Variants in EPHX1 observed in about 807,000 individuals in gnomAD.
EPHX1 encodes the protein epoxide hydrolase 1, also known as epoxide hydratase.
In EPHX1, 40 loss-of-function variants were observed where a neutral mutation model predicts 43.2. That is an observed-to-expected ratio of 0.93 (90% CI 0.72 to 1.21). The LOEUF (loss-of-function observed/expected upper bound fraction) is 1.21, where lower values mean the gene tolerates loss of function less well. Ranked by LOEUF, EPHX1 falls within the 50% of genes most tolerant of loss-of-function variation. The pLI, the probability that EPHX1 is intolerant of heterozygous loss-of-function variation, is 0.00. For synonymous variants in EPHX1, 221 were observed against 226.7 expected, an observed-to-expected ratio of 0.98 and a Z score of 0.22; for missense variants, 550 against 570.4, an observed-to-expected ratio of 0.96 and a Z score of 0.36.
Position 225,831,867 on chromosome 1 carries a change from A to G in EPHX1, c.272A>G (p.Lys91Arg). The G allele has an allele frequency of 6.2e-7, 1 of 1,614,194 alleles. No homozygotes were observed. Among genetic ancestry groups the G allele is most frequent in the Non-Finnish European group, 8.5e-7 (1 of 1,180,038 alleles). The change falls in exon 3 of 9, where the codon AAG (lysine) becomes AGG (arginine). Residue 91 changes from lysine to arginine, a missense_variant. Transcript: ENST00000272167. Reference protein sequence around the residue: ...FHYGFNSNYLKKVISYWRNEF... With the variant: ...FHYGFNSNYLRKVISYWRNEF... The stretch of plus-strand genomic sequence containing the variant: ...TATGGCTTCAACTCCAACTACCTGA[A>G]GAAAGTCATCTCCTACTGGCGGAAT...
At chr1:225,812,318 A>G (rs1666521454) in intron 1 of EPHX1, among the ~76,000 whole-genome samples, 1 of 152,228 alleles carries the variant, frequency 6.6e-6, no homozygotes. Context: ...ACCATCTGTG[A>G]CAAGCCACAT....
rs12403480 is a variant in EPHX1 at position 225,817,858 on chromosome 1, C to T, written c.-6+7689C>T. Among the ~76,000 whole-genome samples, 17,512 of 152,284 alleles carry T rather than the reference C, an allele frequency of 0.11. 1,240 individuals are homozygous for T. The highest frequency in any genetic ancestry group is 0.23 in the Middle Eastern group (68 of 294). On this transcript the variant is annotated intron_variant, in intron 1 of 8. Transcript: ENST00000272167. This position sits in a 1 kb window ranked among gnomAD's most constrained non-coding sequence, Gnocchi z 5.7. ...CACATGGCAAGTGCTGAGTCATGGC[C>T]GGCTAGCACTTTACTGCGATTTTAG... is the stretch of plus-strand genomic sequence containing the variant.
intron 3 of EPHX1, 55 bp downstream of exon 3, chr1:225,832,014 T>C: frequency 6.4e-7 from 1 of 1,564,888 alleles, no homozygotes. Flanking sequence ...AACAGCCTTC[T>C]TCCACAATGT....
At position 225,831,740 on chromosome 1, in the gene EPHX1, C is replaced by T. The variant is rs776864952; in HGVS notation, c.184-39C>T. 5 of 1,606,168 alleles carry T rather than the reference C, an allele frequency of 3.1e-6. No homozygotes were observed. The African/African-American group carries it at 5.4e-5, about 17-fold the overall frequency. The stretch of plus-strand genomic sequence containing the variant: ...GACTTTGCTCTTGTGCTCTGTCCTT[C>T]CCATCCCTCTCAACTTGGGGTCCTG... On this transcript the variant is annotated intron_variant, in intron 2 of 8. Coordinates refer to ENST00000272167, the MANE Select transcript of EPHX1 (RefSeq NM_001136018.4).
intron 7 of EPHX1, among the ~76,000 whole-genome samples, chr1:225,844,047 C>T (rs1219389195): frequency 6.6e-6 from 1 of 152,086 alleles, no homozygotes; most frequent in Admixed American, 6.6e-5. Context: ...GGTTTGGATT[C>T]TCCACTTAAT....
chr1:225,825,478 G>C (rs1262483540), intron 1 of EPHX1: 1 of 152,202 alleles, frequency 6.6e-6, no homozygotes, highest in Non-Finnish European at 1.5e-5. Context: ...GCCCAGAAAG[G>C]GGAAAGTTGC....
rs1036421097 is a variant in EPHX1, at chr1:225,817,235, T to A, written c.-6+7066T>A. On this transcript the variant is annotated intron_variant, in intron 1 of 8. Transcript: ENST00000272167. This position sits in a 1 kb window ranked among gnomAD's most constrained non-coding sequence, Gnocchi z 5.7. ...CAATGGCTGAGGGAGAAGCTGGGAGTTCCCCCCAGGGTTTGCCTCCGTCAC... is the reference window on the plus strand; with the variant it reads ...CAATGGCTGAGGGAGAAGCTGGGAGATCCCCCCAGGGTTTGCCTCCGTCAC... Among the ~76,000 whole-genome samples the A allele has an allele frequency of 9.2e-5, 14 of 151,936 alleles. No individual in the cohort carries two copies. The highest frequency in any genetic ancestry group is 3.4e-4 in the African/African-American group (14 of 41,366).
At chr1:225,844,471 G>T in intron 7 of EPHX1, 27 bp from the exon 8 acceptor site, 7 of 1,613,772 alleles carry the variant, frequency 4.3e-6, no homozygotes, top group Non-Finnish European at 5.9e-6. Flanking sequence ...GGCACTGAGA[G>T]TGGGGCTTTG....
chr1:225,843,150 A>G (rs764876757), intron 7 of EPHX1, among the ~76,000 whole-genome samples: 1 of 152,182 alleles, frequency 6.6e-6, no homozygotes, highest in East Asian at 1.9e-4. Flanking sequence ...ACAGTGGGAG[A>G]GCCCAGTACA....
intron 6 of EPHX1, among the ~76,000 whole-genome samples, chr1:225,840,469 G>A (rs949289865): frequency 6.6e-6 from 1 of 152,026 alleles, no homozygotes; most frequent in Non-Finnish European, 1.5e-5. Flanking sequence ...CTGCCACCAG[G>A]GTCCTGTTAA....
chr1:225,830,817 T>C (rs896357321), intron 2 of EPHX1, among the ~76,000 whole-genome samples: 1 of 152,154 alleles, frequency 6.6e-6, no homozygotes, highest in Non-Finnish European at 1.5e-5. Flanking sequence ...CAATGTTGTA[T>C]ATCAGGGGTC....
At chr1:225,838,425 C>G (rs746951821) in intron 3 of EPHX1, among the ~76,000 whole-genome samples, 1 of 152,160 alleles carries the variant, frequency 6.6e-6, no homozygotes, top group African/African-American at 2.4e-5. Flanking sequence ...AGGCAATAAT[C>G]GTAGCTCCCT....
Position 225,815,138 on chromosome 1 carries a change from C to G in EPHX1, c.-6+4969C>G, listed in dbSNP as rs1666662205. On this transcript the variant is annotated intron_variant, in intron 1 of 8. Transcript: ENST00000272167. ...ACAGCCACCAGGTGGAAGAAGCAACCCTGCCCTCTTCCGGTTCCATGTGTG... is the reference window on the plus strand; with the variant it reads ...ACAGCCACCAGGTGGAAGAAGCAACGCTGCCCTCTTCCGGTTCCATGTGTG... Among the ~76,000 whole-genome samples, 2 of 140,072 alleles carry G rather than the reference C, an allele frequency of 1.4e-5. 1 individual carries two copies. Among genetic ancestry groups the G allele is most frequent in the South Asian group, 4.4e-4 (2 of 4,556 alleles). The allele number at this position is 140,072 out of a possible 152,430, so 91.9% of individuals were successfully genotyped here.
intron 2 of EPHX1, among the ~76,000 whole-genome samples, chr1:225,830,801 A>G (rs867560473): frequency 6.6e-6 from 1 of 152,122 alleles, no homozygotes; most frequent in Non-Finnish European, 1.5e-5. Context: ...GTTATAATGT[A>G]TCATTCAATG....
At chr1:225,823,036 A>G (rs1343865953) in intron 1 of EPHX1, among the ~76,000 whole-genome samples, 1 of 152,186 alleles carries the variant, frequency 6.6e-6, no homozygotes, top group Non-Finnish European at 1.5e-5. Context: ...GAAGGAACAC[A>G]CATGTTGATA....
In EPHX1 at chr1:225,845,421, T is replaced by C. The variant is rs1668890292; in HGVS notation, c.*74T>C. On this transcript the variant is annotated 3_prime_UTR_variant, in exon 9 of 9. Coordinates refer to ENST00000272167, the MANE Select transcript of EPHX1 (RefSeq NM_001136018.4). ...GGCTTTTCTTGGGGAAGATACCCCT[T>C]TTCTGAGGAATGAGTTTGCCTCCGT... is the stretch of plus-strand genomic sequence containing the variant. 8 of 1,469,352 alleles carry C rather than the reference T, an allele frequency of 5.4e-6. No individual in the cohort carries two copies. The Admixed American group carries it at 1.2e-4, about 22-fold the overall frequency. The allele number at this position is 1,469,352 out of a possible 1,614,324, so 91.0% of individuals were successfully genotyped here. A position where few individuals can be genotyped will look rare whatever the true frequency, so the allele number is the denominator to read the frequency against.
chr1:225,824,685 G>A (rs567638628), intron 1 of EPHX1, among the ~76,000 whole-genome samples: 8 of 152,244 alleles, frequency 5.3e-5, no homozygotes, highest in Non-Finnish European at 7.3e-5. Context: ...AAGCAGACGG[G>A]GGGGTGTGGA....
rs1668903507 is a variant in EPHX1, at chr1:225,845,535, C to T, written c.*188C>T. The T allele has an allele frequency of 1.6e-6, 1 of 627,854 alleles. No individual in the cohort carries two copies. Among genetic ancestry groups the T allele is most frequent in the Non-Finnish European group, 2.8e-6 (1 of 360,332 alleles). The allele number at this position is 627,854 out of a possible 1,614,324, so 38.9% of individuals were successfully genotyped here. A position where few individuals can be genotyped will look rare whatever the true frequency, so the allele number is the denominator to read the frequency against. ...CAACTCCGTGTGGTAAGCAACATGG[C>T]TTTGATGATAAACGACTTTACTCTA... On this transcript the variant is annotated 3_prime_UTR_variant, in exon 9 of 9. Transcript: ENST00000272167.
chr1:225,833,258 T>G (rs1043524340), intron 3 of EPHX1, among the ~76,000 whole-genome samples: 3 of 152,264 alleles, frequency 2.0e-5, no homozygotes, highest in African/African-American at 4.8e-5. Flanking sequence ...AGATTTTAAT[T>G]TGTTAAAATT....
Sources: allele counts gnomAD v4.1 joint callset (sites outside exome capture counted in the v4.1 genomes callset), GRCh38; gene constraint gnomAD v4.1.1; non-coding constraint Gnocchi (gnomAD v3.1); transcripts MANE v1.5; gene names NCBI Gene and HGNC (gene_info 2026-07-23, HGNC 2026-07-21).